The following SGCZ variants were observed in gnomAD, a reference collection of about 807,000 sequenced individuals.
SGCZ encodes sarcoglycan zeta.
Under a neutral mutation model 41.3 loss-of-function variants are expected in SGCZ, and 40 were observed. The observed-to-expected ratio is 0.97, with a 90% confidence interval of 0.75 to 1.26. SGCZ has a LOEUF of 1.26. Ranked by LOEUF, SGCZ falls within the 50% of genes most tolerant of loss-of-function variation. The pLI, the probability that SGCZ is intolerant of heterozygous loss-of-function variation, is 0.00. For synonymous variants in SGCZ, 206 were observed against 137.5 expected (o/e 1.50, Z -3.49); for missense variants, 552 against 369.8 (o/e 1.49, Z -4.04).
At chr8:15,162,288 A>AC (rs1799532243) in intron 1 of SGCZ, among the ~76,000 whole-genome samples, 5 of 152,168 alleles carry the variant, frequency 3.3e-5, no homozygotes, top group Non-Finnish European at 7.3e-5. Context: ...AATAACGAGG[A>AC]ATTTTTTTAA....
At chr8:15,058,194 A>G (rs1019752542) in intron 1 of SGCZ, among the ~76,000 whole-genome samples, 5 of 152,232 alleles carry the variant, frequency 3.3e-5, no homozygotes, top group African/African-American at 7.2e-5. Flanking sequence ...GTATGTCTCA[A>G]TAAGTCTTTT....
intron 3 of SGCZ, among the ~76,000 whole-genome samples, chr8:14,249,856 G>A (rs1343278386): frequency 6.6e-6 from 1 of 152,084 alleles, no homozygotes; most frequent in East Asian, 1.9e-4. Context: ...CTTGCAAGAT[G>A]GCAAGATTTT....
At chr8:14,352,638 G>A (rs574156766) in intron 2 of SGCZ, among the ~76,000 whole-genome samples, 8 of 152,202 alleles carry the variant, frequency 5.3e-5, no homozygotes, top group East Asian at 1.9e-4. Flanking sequence ...TAACAAGCCC[G>A]TAGAGCTTGT....
At chr8:14,662,323 CAAGA>C (rs756173302) in intron 1 of SGCZ, among the ~76,000 whole-genome samples, 5 of 152,108 alleles carry the variant, frequency 3.3e-5, no homozygotes, top group Non-Finnish European at 5.9e-5. Context: ...TCTGTGATTT[CAAGA>C]AAGTTAAATT....
intron 1 of SGCZ, among the ~76,000 whole-genome samples, chr8:14,845,748 G>C (rs967110298): frequency 6.6e-6 from 1 of 152,076 alleles, no homozygotes; most frequent in African/African-American, 2.4e-5. Context: ...GAAAAGACTA[G>C]TGAACTTACA....
At chr8:14,237,500 A>G in intron 4 of SGCZ, 92 bp downstream of exon 4, 1 of 1,157,700 alleles carries the variant, frequency 8.6e-7, no homozygotes, top group Non-Finnish European at 1.2e-6. Context: ...CAACAACAAC[A>G]ACAACAACGA....
chr8:14,175,127 G>A (rs1804504429), intron 4 of SGCZ, among the ~76,000 whole-genome samples: 1 of 152,032 alleles, frequency 6.6e-6, no homozygotes, highest in African/African-American at 2.4e-5. Context: ...CCTATAAAAT[G>A]TGTCTTCAAT....
chr8:14,551,497 A>C (rs1449485976), intron 2 of SGCZ, among the ~76,000 whole-genome samples: 1 of 5,644 alleles, frequency 1.8e-4, no homozygotes, highest in African/African-American at 8.2e-4. Context: ...TATTATATAT[A>C]TTATATATAT....
intron 3 of SGCZ, among the ~76,000 whole-genome samples, chr8:14,300,899 G>A (rs565226082): frequency 6.6e-6 from 1 of 152,004 alleles, no homozygotes; most frequent in Admixed American, 6.6e-5. Context: ...TTTTAAAGGT[G>A]GCCAAACAAG....
intron 1 of SGCZ, among the ~76,000 whole-genome samples, chr8:14,899,931 G>A (rs1429621240): frequency 6.6e-6 from 1 of 152,048 alleles, no homozygotes; most frequent in East Asian, 1.9e-4. Flanking sequence ...GTGAGTAGCT[G>A]GTGACCTGTA....
intron 2 of SGCZ, among the ~76,000 whole-genome samples, chr8:14,509,457 G>GA (rs1426831070): frequency 2.0e-5 from 3 of 152,164 alleles, no homozygotes; most frequent in African/African-American, 2.4e-5. Context: ...TTTGCTTCCA[G>GA]AAAAAATATG....
chr8:14,234,873 T>C (rs1447438507), intron 4 of SGCZ, among the ~76,000 whole-genome samples: 1 of 152,188 alleles, frequency 6.6e-6, no homozygotes, highest in Non-Finnish European at 1.5e-5. Flanking sequence ...TGTGTTGTGT[T>C]TTGTAACGTA....
intron 2 of SGCZ, among the ~76,000 whole-genome samples, chr8:14,483,062 C>G (rs1337309816): frequency 6.6e-6 from 1 of 152,092 alleles, no homozygotes; most frequent in Non-Finnish European, 1.5e-5. Flanking sequence ...CACAATTTCT[C>G]TCTCATTTCC....
chr8:14,650,264 T>C (rs1008941469), intron 1 of SGCZ, among the ~76,000 whole-genome samples: 11 of 151,980 alleles, frequency 7.2e-5, no homozygotes, highest in African/African-American at 1.9e-4. Flanking sequence ...AGCACCTGAC[T>C]CCCCACTCTT....
intron 4 of SGCZ, among the ~76,000 whole-genome samples, chr8:14,170,392 T>G (rs578120656): frequency 6.6e-6 from 1 of 152,096 alleles, no homozygotes; most frequent in Non-Finnish European, 1.5e-5. Context: ...TTCTAACACT[T>G]GTATTCTTAG....
At chr8:14,765,413 A>G (rs1204446841) in intron 1 of SGCZ, among the ~76,000 whole-genome samples, 4 of 152,208 alleles carry the variant, frequency 2.6e-5, no homozygotes, top group Non-Finnish European at 5.9e-5. Flanking sequence ...CTCATATGCT[A>G]TAGAGATGAG....
chr8:15,039,773 C>T (rs1418898106), intron 1 of SGCZ, among the ~76,000 whole-genome samples: 4 of 152,086 alleles, frequency 2.6e-5, no homozygotes, highest in Non-Finnish European at 5.9e-5. Flanking sequence ...TTTTCATTTC[C>T]TTGAGAACCA....
chr8:15,194,880 G>C (rs1354259385), intron 1 of SGCZ, among the ~76,000 whole-genome samples: 2 of 152,182 alleles, frequency 1.3e-5, no homozygotes, highest in Admixed American at 1.3e-4. Context: ...GTTTTAAGCA[G>C]TTAAGTTTGT....
At chr8:15,112,357 G>A (rs1401649734) in intron 1 of SGCZ, among the ~76,000 whole-genome samples, 1 of 152,166 alleles carries the variant, frequency 6.6e-6, no homozygotes, top group Non-Finnish European at 1.5e-5. Context: ...TGGACCTTCT[G>A]CTAGTAGCTT....
Sources: gnomAD v4.1 joint callset for allele counts (sites outside exome capture counted in the v4.1 genomes callset) on GRCh38, gnomAD v4.1.1 for gene constraint, MANE v1.5 for transcripts, NCBI Gene and HGNC (gene_info 2026-07-23, HGNC 2026-07-21) for gene names.